ZFPM2: variants seen among roughly 807,000 people sequenced by gnomAD.
ZFPM2 encodes zinc finger protein ZFPM2.
In ZFPM2, 20 loss-of-function variants were observed where a neutral mutation model predicts 98.6. The ratio of observed to expected loss-of-function variants is 0.20; its 90% confidence interval spans 0.14 to 0.29. The LOEUF is 0.29. Ranked by LOEUF, ZFPM2 falls within the 10% of genes least tolerant of loss-of-function variation. The pLI is 1.00. For synonymous variants in ZFPM2, 518 were observed against 502.7 expected (o/e 1.03, Z -0.41); for missense variants, 1,310 against 1,388.6 (o/e 0.94, Z 0.90).
At chr8:105,539,535 C>G (rs557199404) in intron 3 of ZFPM2, among the ~76,000 whole-genome samples, 2 of 152,250 alleles carry the variant, frequency 1.3e-5, no homozygotes, top group South Asian at 4.1e-4. Context: ...AATGCTTTGC[C>G]TGAGACGTAT....
At chr8:105,581,143 G>A (rs1255911789) in intron 4 of ZFPM2, among the ~76,000 whole-genome samples, 1 of 151,972 alleles carries the variant, frequency 6.6e-6, no homozygotes, top group Admixed American at 6.6e-5. Context: ...TCCAGAAGAT[G>A]TAATATTCTA....
chr8:105,635,471 AC>A (rs945358260), intron 5 of ZFPM2, among the ~76,000 whole-genome samples: 1 of 152,020 alleles, frequency 6.6e-6, no homozygotes, highest in Non-Finnish European at 1.5e-5. Context: ...AAAAAAAAAA[AC>A]AATCTGCACA....
chr8:105,417,973 T>C (rs1368587419), intron 1 of ZFPM2, among the ~76,000 whole-genome samples: 2 of 152,220 alleles, frequency 1.3e-5, no homozygotes, highest in South Asian at 2.1e-4. Flanking sequence ...TTATTCTGTC[T>C]ATGCCAAGGT....
intron 5 of ZFPM2, among the ~76,000 whole-genome samples, chr8:105,722,408 G>T (rs975974259): frequency 2.6e-5 from 4 of 151,592 alleles, no homozygotes; most frequent in African/African-American, 9.7e-5. Context: ...CCTGGATAAG[G>T]GTTGCCAATC....
chr8:105,683,940 A>G (rs931066581), intron 5 of ZFPM2, among the ~76,000 whole-genome samples: 3 of 152,108 alleles, frequency 2.0e-5, no homozygotes, highest in Non-Finnish European at 4.4e-5. Flanking sequence ...GTGTCTGTTA[A>G]ATGTTGTTGA....
At chr8:105,469,350 CT>C (rs1323763509) in intron 3 of ZFPM2, among the ~76,000 whole-genome samples, 4 of 152,106 alleles carry the variant, frequency 2.6e-5, no homozygotes, top group African/African-American at 9.7e-5. Flanking sequence ...TGTTTTACAT[CT>C]CTTTACTCTC....
At chr8:105,575,217 G>A (rs1243211436) in intron 4 of ZFPM2, among the ~76,000 whole-genome samples, 1 of 152,174 alleles carries the variant, frequency 6.6e-6, no homozygotes, top group Non-Finnish European at 1.5e-5. Context: ...CATTAATCAA[G>A]TGGAGGCATT....
At chr8:105,665,089 AG>A (rs1333277347) in intron 5 of ZFPM2, among the ~76,000 whole-genome samples, 2 of 152,140 alleles carry the variant, frequency 1.3e-5, no homozygotes, top group African/African-American at 4.8e-5. Flanking sequence ...ACATCTGGTG[AG>A]GGCCTTGTGC....
intron 4 of ZFPM2, among the ~76,000 whole-genome samples, chr8:105,570,420 A>T (rs1378406554): frequency 6.6e-6 from 1 of 152,136 alleles, no homozygotes; most frequent in Non-Finnish European, 1.5e-5. Flanking sequence ...GTGAGTCAGA[A>T]AGGAAGAAAT....
chr8:105,349,699 T>C (rs1403180504), intron 1 of ZFPM2, among the ~76,000 whole-genome samples: 1 of 152,200 alleles, frequency 6.6e-6, no homozygotes, highest in African/African-American at 2.4e-5. Context: ...GTAGATGTAT[T>C]TGATGTGTAC....
At chr8:105,320,256 TTGTGTGTGTGTG>T (rs71305141) in intron 1 of ZFPM2, among the ~76,000 whole-genome samples, 32 of 142,344 alleles carry the variant, frequency 2.2e-4, no homozygotes, top group African/African-American at 3.7e-4. Flanking sequence ...ATTCAGATCT[TTGTGTGTGTGTG>T]TGTGTGTGTG....
At chr8:105,544,668 T>C (rs1189098978) in intron 3 of ZFPM2, among the ~76,000 whole-genome samples, 2 of 152,316 alleles carry the variant, frequency 1.3e-5, no homozygotes, top group East Asian at 1.9e-4. Context: ...TGCTTCTTCA[T>C]GGACACAAGT....
In ZFPM2 at chr8:105,803,592, C is replaced by T; in HGVS notation, c.*54C>T. On this transcript the variant is annotated 3_prime_UTR_variant, in exon 8 of 8. Transcript: ENST00000407775. ...TCAGTGTTTAGTATGTTGTTCTAAC[C>T]AGTCCAGAAAAAAAAATAAGCTGTT... 2 of 1,520,512 alleles carry T rather than the reference C, an allele frequency of 1.3e-6. No homozygotes were observed. The highest frequency in any genetic ancestry group is 2.2e-4 in the Middle Eastern group (1 of 4,562). 94.2% of individuals were successfully genotyped at this position (1,520,512 alleles called of 1,614,324 possible). A position where few individuals can be genotyped will look rare whatever the true frequency, so the allele number is the denominator to read the frequency against.
At chr8:105,606,261 T>G (rs555478895) in intron 4 of ZFPM2, among the ~76,000 whole-genome samples, 1 of 152,236 alleles carries the variant, frequency 6.6e-6, no homozygotes, top group Non-Finnish European at 1.5e-5. Context: ...AGAGGACACT[T>G]TTTTATATTG....
intron 6 of ZFPM2, among the ~76,000 whole-genome samples, chr8:105,794,749 C>A (rs569590765): frequency 6.6e-6 from 1 of 152,214 alleles, no homozygotes; most frequent in Non-Finnish European, 1.5e-5. Context: ...TGGAGCTTCC[C>A]GGCTGCTTTG....
chr8:105,395,117 C>G (rs1456630984), intron 1 of ZFPM2, among the ~76,000 whole-genome samples: 1 of 152,228 alleles, frequency 6.6e-6, no homozygotes, highest in Admixed American at 6.5e-5. Flanking sequence ...GACACAGAAG[C>G]AAGAGTTTCT....
At chr8:105,668,968 C>G (rs1021036098) in intron 5 of ZFPM2, among the ~76,000 whole-genome samples, 6 of 152,202 alleles carry the variant, frequency 3.9e-5, no homozygotes, top group Non-Finnish European at 8.8e-5. Flanking sequence ...AACTGATCCC[C>G]TTACAGTGTG....
intron 5 of ZFPM2, among the ~76,000 whole-genome samples, chr8:105,664,358 T>A (rs1302251404): frequency 6.7e-6 from 1 of 148,642 alleles, no homozygotes; most frequent in Non-Finnish European, 1.5e-5. Flanking sequence ...TGTGTGTGTG[T>A]GTGACAGAGT....
Position 105,332,556 on chromosome 8 carries a change from A to G in ZFPM2, c.40+13575A>G, listed in dbSNP as rs1812252680. Among the ~76,000 whole-genome samples, 3 of 151,768 alleles carry G rather than the reference A, an allele frequency of 2.0e-5. No individual in the cohort carries two copies. In the South Asian group the frequency reaches 6.2e-4, roughly 31 times the overall value. On this transcript the variant is annotated intron_variant, in intron 1 of 7. Transcript: ENST00000407775. ...AATATTCAATAAACAAACATATAGT[A>G]AGTACTAATTTTGTGTACCATGTTA... is the stretch of plus-strand genomic sequence containing the variant.
Sources: gnomAD v4.1 joint callset for allele counts (sites outside exome capture counted in the v4.1 genomes callset) on GRCh38, gnomAD v4.1.1 for gene constraint, MANE v1.5 for transcripts, NCBI Gene and HGNC (gene_info 2026-07-23, HGNC 2026-07-21) for gene names.